The following CNTNAP2 variants were observed in gnomAD, a reference collection of about 807,000 sequenced individuals.
CNTNAP2 encodes contactin associated protein 2, also known as contactin-associated protein-like 2.
A neutral mutation model predicts 155.2 loss-of-function variants in CNTNAP2; 98 were observed. The observed-to-expected ratio is 0.63, with a 90% CI of 0.54 to 0.75. The LOEUF is 0.75. Ranked by LOEUF, CNTNAP2 falls within the 30% of genes least tolerant of loss-of-function variation. CNTNAP2 has a pLI of 0.00. For synonymous variants in CNTNAP2, 651 were observed against 631.2 expected (o/e 1.03, Z -0.47); for missense variants, 1,727 against 1,688.1 (o/e 1.02, Z -0.40).
chr7:146,361,078 G>C (rs1157981165), intron 1 of CNTNAP2, among the ~76,000 whole-genome samples: 1 of 152,116 alleles, frequency 6.6e-6, no homozygotes, highest in Non-Finnish European at 1.5e-5. Flanking sequence ...TCTGGGTTTT[G>C]AAAGCAAGAG....
At chr7:147,273,473 T>C (rs1469384589) in intron 8 of CNTNAP2, among the ~76,000 whole-genome samples, 2 of 152,014 alleles carry the variant, frequency 1.3e-5, no homozygotes, top group African/African-American at 2.4e-5. Flanking sequence ...ATAGTGATCA[T>C]TGTATCCAAC....
At chr7:147,934,062 G>A (rs1479456728) in intron 14 of CNTNAP2, among the ~76,000 whole-genome samples, 1 of 152,136 alleles carries the variant, frequency 6.6e-6, no homozygotes, top group Non-Finnish European at 1.5e-5. Flanking sequence ...CTGGCAAGAG[G>A]GGAATACGGG....
chr7:147,616,853 T>C (rs1023361670), intron 12 of CNTNAP2, among the ~76,000 whole-genome samples: 2 of 152,208 alleles, frequency 1.3e-5, no homozygotes, highest in African/African-American at 4.8e-5. Flanking sequence ...AAGCATATTA[T>C]GAGCAACTAG....
chr7:147,559,166 G>A (rs557532064), intron 11 of CNTNAP2, among the ~76,000 whole-genome samples: 18 of 152,080 alleles, frequency 1.2e-4, no homozygotes, highest in East Asian at 3.9e-4. Context: ...ATGAGCCACC[G>A]TGCCCGGCCT....
At chr7:146,516,774 C>A (rs922359922) in intron 1 of CNTNAP2, among the ~76,000 whole-genome samples, 1 of 151,904 alleles carries the variant, frequency 6.6e-6, no homozygotes, top group South Asian at 2.1e-4. Context: ...GTTGCCTGAA[C>A]CCCCTTTCCC....
Position 146,382,811 on chromosome 7 carries a change from G to C in CNTNAP2, c.97+265838G>C, listed in dbSNP as rs555579254. On this transcript the variant is annotated intron_variant, in intron 1 of 23. Coordinates refer to ENST00000361727, the MANE Select transcript of CNTNAP2 (RefSeq NM_014141.6). Reference sequence around the variant, plus strand: ...TTAGAACGGTGCTGCCATGAGTTATGACTAACCGAGAAAAATGTATTCTAT... The same window carrying C: ...TTAGAACGGTGCTGCCATGAGTTATCACTAACCGAGAAAAATGTATTCTAT... Among the ~76,000 whole-genome samples, 5 of 152,076 alleles carry C rather than the reference G, an allele frequency of 3.3e-5. No individual in the cohort carries two copies. In the South Asian group the frequency reaches 1.0e-3, roughly 32 times the overall value.
chr7:146,920,327 T>C (rs1585158069), intron 3 of CNTNAP2, among the ~76,000 whole-genome samples: 1 of 151,728 alleles, frequency 6.6e-6, no homozygotes, highest in Non-Finnish European at 1.5e-5. Context: ...GGCAGGAGAA[T>C]CACTTGAAAC....
chr7:147,589,644 A>G (rs79884759), intron 12 of CNTNAP2, among the ~76,000 whole-genome samples: 10,985 of 152,218 alleles, frequency 0.072, 557 homozygotes, highest in Non-Finnish European at 0.1. Context: ...AGACTCATCC[A>G]TATTGTTGTA....
chr7:146,558,926 T>A (rs538402231), intron 1 of CNTNAP2, among the ~76,000 whole-genome samples: 1 of 152,352 alleles, frequency 6.6e-6, no homozygotes, highest in African/African-American at 2.4e-5. Flanking sequence ...AGTGTGGGAT[T>A]TTGATTGGCA....
intron 1 of CNTNAP2, among the ~76,000 whole-genome samples, chr7:146,214,642 T>C (rs908204896): frequency 6.6e-6 from 1 of 152,180 alleles, no homozygotes; most frequent in African/African-American, 2.4e-5. Context: ...TTACAATGAG[T>C]CATTAAATGT....
intron 4 of CNTNAP2, among the ~76,000 whole-genome samples, chr7:147,080,471 G>T (rs1192252870): frequency 6.6e-6 from 1 of 151,660 alleles, no homozygotes; most frequent in East Asian, 1.9e-4. Flanking sequence ...ACTAATATAT[G>T]ATGAAAGAAT....
chr7:147,487,671 T>C (rs138707324), intron 11 of CNTNAP2, among the ~76,000 whole-genome samples: 9 of 150,554 alleles, frequency 6.0e-5, no homozygotes, highest in Non-Finnish European at 1.0e-4. Context: ...TTTTTATAAC[T>C]GTTTCCATCC....
chr7:146,647,763 T>C (rs753141630), intron 1 of CNTNAP2, among the ~76,000 whole-genome samples: 1 of 152,206 alleles, frequency 6.6e-6, no homozygotes, highest in Non-Finnish European at 1.5e-5. Flanking sequence ...AATCATTCTC[T>C]CCTGTCAGCT....
At chr7:146,880,618 C>T (rs1795525878) in intron 3 of CNTNAP2, among the ~76,000 whole-genome samples, 1 of 151,980 alleles carries the variant, frequency 6.6e-6, no homozygotes, top group Non-Finnish European at 1.5e-5. Flanking sequence ...TTATGTTTTC[C>T]CTCTTTATCA....
chr7:146,279,678 G>T (rs574081618), intron 1 of CNTNAP2, among the ~76,000 whole-genome samples: 70 of 151,734 alleles, frequency 4.6e-4, no homozygotes, highest in African/African-American at 1.5e-3. Context: ...ATAAAAGAGG[G>T]AATAAAATTG....
At chr7:147,586,465 GGGGCTTA>G (rs2116835544) in intron 12 of CNTNAP2, among the ~76,000 whole-genome samples, 1 of 146,778 alleles carries the variant, frequency 6.8e-6, no homozygotes, top group South Asian at 2.2e-4. Context: ...AGTTGGCTGA[GGGGCTTA>G]GAAGTTTATT....
chr7:146,945,535 T>C (rs1797149136), intron 3 of CNTNAP2, among the ~76,000 whole-genome samples: 2 of 152,132 alleles, frequency 1.3e-5, no homozygotes, highest in African/African-American at 2.4e-5. Context: ...GCAACAGCTA[T>C]TTTGAGAGAT....
chr7:146,929,134 C>T (rs1419124987), intron 3 of CNTNAP2, among the ~76,000 whole-genome samples: 1 of 152,250 alleles, frequency 6.6e-6, no homozygotes, highest in Non-Finnish European at 1.5e-5. Context: ...AGACTGCCTC[C>T]TCAAGTGGGT....
chr7:148,365,492 G>A (rs897732724), intron 21 of CNTNAP2, among the ~76,000 whole-genome samples: 5 of 151,880 alleles, frequency 3.3e-5, no homozygotes, highest in South Asian at 2.1e-4. Flanking sequence ...TGATGAAACC[G>A]CGTCTCTACT....
Sources: allele counts gnomAD v4.1 joint callset (sites outside exome capture counted in the v4.1 genomes callset), GRCh38; gene constraint gnomAD v4.1.1; transcripts MANE v1.5; gene names NCBI Gene and HGNC (gene_info 2026-07-23, HGNC 2026-07-21).